Variants in RALGAPA1 observed in about 807,000 individuals in gnomAD.
RALGAPA1 encodes the protein Ral GTPase activating protein catalytic subunit alpha 1.
Under a neutral mutation model 269.6 loss-of-function variants are expected in RALGAPA1, and 52 were observed. That is an observed-to-expected ratio of 0.19 (90% CI 0.15 to 0.24). RALGAPA1 has a LOEUF of 0.24. RALGAPA1 is among the 10% of genes least tolerant of loss of function. RALGAPA1 has a pLI of 1.00. For missense variants in RALGAPA1, 1,917 were observed against 3,013.9 expected, an observed-to-expected ratio of 0.64 and a Z score of 8.52; for synonymous variants, 817 against 1,008.3, an observed-to-expected ratio of 0.81 and a Z score of 3.60.
In RALGAPA1 at chr14:35,647,968, T is replaced by C. The variant is rs535726698; in HGVS notation, c.5676+3837A>G. Among the ~76,000 whole-genome samples, 503 of 147,022 alleles carry C rather than the reference T, an allele frequency of 3.4e-3. 4 individuals are homozygous for C. The highest frequency in any genetic ancestry group is 6.2e-3 in the Non-Finnish European group (416 of 66,986). On this transcript the variant is annotated intron_variant, in intron 31 of 41. Coordinates refer to ENST00000680220, the MANE Select transcript of RALGAPA1 (RefSeq NM_001346249.2). ...GTCTCTAAATAAATAAATAAATAAA[T>C]AAGATGTTTAAGATAAAGCATATTT...
intron 31 of RALGAPA1, among the ~76,000 whole-genome samples, chr14:35,645,684 C>T (rs1352270662): frequency 2.0e-5 from 3 of 149,018 alleles, no homozygotes; most frequent in South Asian, 2.1e-4. Flanking sequence ...GAGCCGAGAT[C>T]GCGCCGGGGC....
chr14:35,614,862 A>G (rs2060154615), intron 35 of RALGAPA1, among the ~76,000 whole-genome samples: 1 of 152,148 alleles, frequency 6.6e-6, no homozygotes, highest in Non-Finnish European at 1.5e-5. Context: ...AATTGAGAAG[A>G]GCTGGATAGA....
At chr14:35,589,502 G>C (rs1206553180) in intron 37 of RALGAPA1, among the ~76,000 whole-genome samples, 1 of 151,892 alleles carries the variant, frequency 6.6e-6, no homozygotes, top group Non-Finnish European at 1.5e-5. Flanking sequence ...AAAATGTGTT[G>C]TATATCATAA....
chr14:35,563,729 T>G (rs1401568683), intron 39 of RALGAPA1, among the ~76,000 whole-genome samples: 1 of 152,184 alleles, frequency 6.6e-6, no homozygotes, highest in Non-Finnish European at 1.5e-5. Context: ...TTACCCGAAT[T>G]ATAAGGAATA....
chr14:35,732,515 A>G (rs186668855), intron 12 of RALGAPA1, among the ~76,000 whole-genome samples: 3 of 152,330 alleles, frequency 2.0e-5, no homozygotes, highest in African/African-American at 7.2e-5. Flanking sequence ...CAGGAGACTC[A>G]ACAAACACAG....
In RALGAPA1 at chr14:35,700,319, GA is replaced by G. The variant is rs1260826879; in HGVS notation, c.2267-18del. ...TTCTCATGGCTTTAAAAAAGGAAAA[GA>G]AAGAAGTGGGGAAGGAAAAAAGAAG... On this transcript the variant is annotated intron_variant, in intron 16 of 41. Coordinates refer to ENST00000680220, the MANE Select transcript of RALGAPA1 (RefSeq NM_001346249.2). 6.7e-7 allele frequency: 1 copy of G among 1,495,404 alleles called. No homozygotes were observed. The highest frequency in any genetic ancestry group is 8.8e-7 in the Non-Finnish European group (1 of 1,131,736). The allele number at this position is 1,495,404 out of a possible 1,614,324, so 92.6% of individuals were successfully genotyped here.
At chr14:35,673,063 C>T (rs1202900355) in intron 24 of RALGAPA1, 41 bp from the exon 25 acceptor site, 5 of 1,363,472 alleles carry the variant, frequency 3.7e-6, no homozygotes, top group Non-Finnish European at 4.8e-6. Context: ...AAAAGAAATA[C>T]TATTTGCTAA....
At chr14:35,766,207 A>C in intron 4 of RALGAPA1, 1 of 825,862 alleles carries the variant, frequency 1.2e-6, no homozygotes, top group Admixed American at 1.7e-5. Context: ...ATTTCCCTGG[A>C]GGATTTGATG....
At chr14:35,717,567 AT>A (rs374214081) in intron 16 of RALGAPA1, among the ~76,000 whole-genome samples, 12 of 149,332 alleles carry the variant, frequency 8.0e-5, no homozygotes, top group Non-Finnish European at 1.2e-4. Context: ...AACTTATTTT[AT>A]TTTTTTTTTG....
At chr14:35,757,364 C>T (rs571043704) in intron 6 of RALGAPA1, among the ~76,000 whole-genome samples, 2 of 152,108 alleles carry the variant, frequency 1.3e-5, no homozygotes, top group East Asian at 3.9e-4. Flanking sequence ...AGGTGATCTG[C>T]CCGCCTCGGC....
intron 39 of RALGAPA1, among the ~76,000 whole-genome samples, chr14:35,570,248 T>G (rs1594629654): frequency 7.0e-6 from 1 of 142,728 alleles, no homozygotes; most frequent in African/African-American, 2.7e-5. Context: ...CCAGCCTGGG[T>G]GACAAAAGTG....
chr14:35,700,038 C>T, intron 17 of RALGAPA1, 124 bp downstream of exon 17: 1 of 794,100 alleles, frequency 1.3e-6, no homozygotes, highest in South Asian at 2.2e-5. Context: ...CAATCACTTT[C>T]CCACTTTCCC....
intron 4 of RALGAPA1, among the ~76,000 whole-genome samples, chr14:35,763,776 G>GTATA (rs61365812): frequency 1.0e-4 from 15 of 149,474 alleles, no homozygotes; most frequent in African/African-American, 3.5e-4. Flanking sequence ...CCCGGGGTGT[G>GTATA]TATATATATA....
chr14:35,655,812 A>G lies in RALGAPA1; in HGVS notation c.5491T>C (p.Leu1831=), dbSNP rs1347899889. ...CACTAAACAGTTTTCTTTACCTTTA[A>G]GGAAACACAAATCACATTCAGAGCT... The part of the protein sequence containing the change: ...KEALNVICVS[L]KFTNKTVAHV... Residue 1831 remains leucine (L), a synonymous_variant, in exon 29 of 42, where the codon TTA becomes CTA. Coordinates refer to ENST00000680220, the MANE Select transcript of RALGAPA1 (RefSeq NM_001346249.2). The G allele has an allele frequency of 6.2e-7, 1 of 1,612,594 alleles. No individual in the cohort carries two copies. Among genetic ancestry groups the G allele is most frequent in the African/African-American group, 1.3e-5 (1 of 74,856 alleles).
chr14:35,609,224 C>T (rs1036257670), intron 35 of RALGAPA1, among the ~76,000 whole-genome samples: 11 of 147,316 alleles, frequency 7.5e-5, no homozygotes, highest in Non-Finnish European at 1.6e-4. Flanking sequence ...GACACTCCGT[C>T]TCAAAAAAAA....
intron 35 of RALGAPA1, among the ~76,000 whole-genome samples, chr14:35,607,529 C>T (rs1027991661): frequency 3.3e-5 from 5 of 152,168 alleles, no homozygotes; most frequent in African/African-American, 1.2e-4. Context: ...CTAGCTTGCT[C>T]ATAGGGTAGA....
At chr14:35,605,068 C>T (rs2059512456) in intron 36 of RALGAPA1, among the ~76,000 whole-genome samples, 1 of 152,102 alleles carries the variant, frequency 6.6e-6, no homozygotes. Flanking sequence ...AGTATACCCA[C>T]TAGAACTGTC....
intron 17 of RALGAPA1, among the ~76,000 whole-genome samples, chr14:35,696,398 T>A (rs7143909): frequency 0.35 from 52,529 of 150,402 alleles, 12,515 homozygotes; most frequent in African/African-American, 0.67. Flanking sequence ...AAAAAAAAAA[T>A]TTTTTTTTTT....
intron 1 of RALGAPA1, among the ~76,000 whole-genome samples, chr14:35,799,606 G>A (rs1048396104): frequency 6.7e-6 from 1 of 150,274 alleles, no homozygotes; most frequent in African/African-American, 2.4e-5. Context: ...AAATCATAAA[G>A]CAGTCACTGA....
Sources: allele counts gnomAD v4.1 joint callset (sites outside exome capture counted in the v4.1 genomes callset), GRCh38; gene constraint gnomAD v4.1.1; transcripts MANE v1.5; gene names NCBI Gene and HGNC (gene_info 2026-07-23, HGNC 2026-07-21).